ADAMTSL3: variants seen among roughly 807,000 people sequenced by gnomAD.
ADAMTSL3 encodes the protein ADAMTS like 3.
A neutral mutation model predicts 201.7 loss-of-function variants in ADAMTSL3; 128 were observed. That is an observed-to-expected ratio of 0.63 (90% CI 0.55 to 0.73). The LOEUF (loss-of-function observed/expected upper bound fraction) is 0.73. Ranked by LOEUF, ADAMTSL3 falls within the 30% of genes least tolerant of loss-of-function variation. ADAMTSL3 has a pLI of 0.00. For missense variants in ADAMTSL3, 1,990 were observed against 2,119.6 expected, an observed-to-expected ratio of 0.94 and a Z score of 1.20; for synonymous variants, 738 against 748.4, an observed-to-expected ratio of 0.99 and a Z score of 0.23.
At chr15:83,675,984 C>T (rs1398274434) in intron 2 of ADAMTSL3, among the ~76,000 whole-genome samples, 1 of 151,856 alleles carries the variant, frequency 6.6e-6, no homozygotes, top group South Asian at 2.1e-4. Context: ...CTCTTTTATT[C>T]TTTGTAATAT....
At chr15:84,032,757 G>A (rs1302956467) in intron 28 of ADAMTSL3, among the ~76,000 whole-genome samples, 1 of 152,020 alleles carries the variant, frequency 6.6e-6, no homozygotes, top group Non-Finnish European at 1.5e-5. Context: ...AATGGACATT[G>A]GATAGTTTCA....
intron 2 of ADAMTSL3, among the ~76,000 whole-genome samples, chr15:83,682,553 TG>T (rs988704652): frequency 6.6e-6 from 1 of 152,246 alleles, no homozygotes; most frequent in Non-Finnish European, 1.5e-5. Flanking sequence ...TCCTTGCTGT[TG>T]GCACAAATGG....
intron 6 of ADAMTSL3, among the ~76,000 whole-genome samples, chr15:83,831,292 A>G (rs1163437526): frequency 1.3e-5 from 2 of 151,870 alleles, no homozygotes; most frequent in African/African-American, 4.8e-5. Context: ...TTTTGGGGGG[A>G]GTGCACAAGT....
At position 83,942,919 on chromosome 15, in the gene ADAMTSL3, G is replaced by C. The variant is rs2066590335; in HGVS notation, c.2327G>C (p.Gly776Ala). 1.9e-6 allele frequency: 3 copies of C among 1,599,704 alleles called. No individual in the cohort carries two copies. In the East Asian group the frequency reaches 6.7e-5, roughly 36 times the overall value. The change falls in exon 19 of 30, where the codon GGC becomes GCC. Residue 776 changes from glycine to alanine, a missense_variant. By Grantham distance (60) the Gly-to-Ala change is moderately conservative. Coordinates refer to ENST00000286744, the MANE Select transcript of ADAMTSL3 (RefSeq NM_207517.3). ...EEWQQCSRTC[G>A]GGTQNRRVTC... ...TCTTCTTAGTGTTCCAGGACTTGTG[G>C]CGGGGGAACTCAGAACAGAAGAGTC...
chr15:83,982,597 C>T lies in ADAMTSL3; in HGVS notation c.2969C>T (p.Thr990Ile). ...YRCIAGSAQETVVLKLIGTDN... is the reference protein window; with the variant it reads ...YRCIAGSAQEIVVLKLIGTDN... The stretch of plus-strand genomic sequence containing the variant: ...TGCATTGCAGGCTCTGCACAGGAAA[C>T]AGTTGTGCTCAAGCTCATTGGTACT... The change falls in exon 21 of 30, where the codon ACA becomes ATA. Residue 990 changes from threonine to isoleucine, a missense_variant. By Grantham distance (89) the Thr-to-Ile change is moderately conservative. Coordinates refer to ENST00000286744, the MANE Select transcript of ADAMTSL3 (RefSeq NM_207517.3). 6.2e-7 allele frequency: 1 copy of T among 1,614,180 alleles called. No homozygotes were observed. Among genetic ancestry groups the T allele is most frequent in the Non-Finnish European group, 8.5e-7 (1 of 1,180,032 alleles).
intron 19 of ADAMTSL3, among the ~76,000 whole-genome samples, chr15:83,943,450 C>T (rs974295618): frequency 3.3e-5 from 5 of 152,186 alleles, no homozygotes; most frequent in Admixed American, 6.5e-5. Context: ...CCCGTCATTC[C>T]AACATTTTGA....
At chr15:83,868,350 AT>A (rs2065018220) in intron 8 of ADAMTSL3, among the ~76,000 whole-genome samples, 1 of 152,202 alleles carries the variant, frequency 6.6e-6, no homozygotes, top group Non-Finnish European at 1.5e-5. Context: ...CATCATCTGA[AT>A]TGTTGATTGA....
chr15:83,874,787 G>A (rs1249090743), intron 9 of ADAMTSL3, among the ~76,000 whole-genome samples: 6 of 144,298 alleles, frequency 4.2e-5, no homozygotes, highest in Non-Finnish European at 7.5e-5. Flanking sequence ...AGCAATTAGG[G>A]CCCATCTGAG....
At chr15:83,741,874 C>T (rs891613507) in intron 3 of ADAMTSL3, among the ~76,000 whole-genome samples, 1 of 151,952 alleles carries the variant, frequency 6.6e-6, no homozygotes, top group Non-Finnish European at 1.5e-5. Flanking sequence ...GGGAGGCTGA[C>T]GTGGGAGGAT....
At chr15:83,938,336 A>G (rs953945294) in intron 17 of ADAMTSL3, among the ~76,000 whole-genome samples, 1 of 152,164 alleles carries the variant, frequency 6.6e-6, no homozygotes, top group Non-Finnish European at 1.5e-5. Context: ...TTGCAGATAG[A>G]TAATGTCCCC....
chr15:83,898,716 T>C (rs2065665836), intron 14 of ADAMTSL3, among the ~76,000 whole-genome samples: 1 of 152,198 alleles, frequency 6.6e-6, no homozygotes, highest in East Asian at 1.9e-4. Context: ...ACCATCCTCA[T>C]GAAAAGTATC....
intron 19 of ADAMTSL3, among the ~76,000 whole-genome samples, chr15:83,969,160 A>C (rs536898292): frequency 6.6e-6 from 1 of 152,274 alleles, no homozygotes; most frequent in African/African-American, 2.4e-5. Context: ...AATAATTTTA[A>C]AAAGGCCGGC....
intron 3 of ADAMTSL3, among the ~76,000 whole-genome samples, chr15:83,741,493 A>G (rs2062454940): frequency 6.6e-6 from 1 of 152,190 alleles, no homozygotes; most frequent in Non-Finnish European, 1.5e-5. Context: ...CCTAATGAAT[A>G]TCATCCACTA....
intron 2 of ADAMTSL3, among the ~76,000 whole-genome samples, chr15:83,658,119 T>C (rs2061116231): frequency 6.6e-6 from 1 of 152,186 alleles, no homozygotes; most frequent in African/African-American, 2.4e-5. Context: ...CTTTCTTTTC[T>C]TTTCTTTTGA....
At chr15:83,805,566 A>T (rs76872043) in intron 5 of ADAMTSL3, among the ~76,000 whole-genome samples, 23,674 of 151,830 alleles carry the variant, frequency 0.16, 2,032 homozygotes, top group East Asian at 0.35. Context: ...CAAAAAAAAA[A>T]AAATAAATAA....
Position 83,974,505 on chromosome 15 carries a change from A to C in ADAMTSL3, c.2644+3868A>C, listed in dbSNP as rs561433713. Among the ~76,000 whole-genome samples, 3 of 152,324 alleles carry C rather than the reference A, an allele frequency of 2.0e-5. No homozygotes were observed. In the South Asian group the frequency reaches 6.2e-4, roughly 32 times the overall value. Reference sequence around the variant, plus strand: ...ATTTAACACAGGATAAAATGTAATAAGTAAGTTGTGTTGTATATTCTGGCC... The same window carrying C: ...ATTTAACACAGGATAAAATGTAATACGTAAGTTGTGTTGTATATTCTGGCC... On this transcript the variant is annotated intron_variant, in intron 20 of 29. Coordinates refer to ENST00000286744, the MANE Select transcript of ADAMTSL3 (RefSeq NM_207517.3).
At chr15:83,866,759 T>TA (rs887713325) in intron 8 of ADAMTSL3, among the ~76,000 whole-genome samples, 58 of 151,028 alleles carry the variant, frequency 3.8e-4, no homozygotes, top group East Asian at 1.9e-3. Flanking sequence ...TAAAGTATAA[T>TA]AAAAAAAAAG....
chr15:83,657,874 C>T (rs1462694576), intron 2 of ADAMTSL3, among the ~76,000 whole-genome samples: 8 of 152,134 alleles, frequency 5.3e-5, no homozygotes, highest in Non-Finnish European at 8.8e-5. Context: ...TGTCCCTGTC[C>T]GTGGGTTGGA....
intron 9 of ADAMTSL3, among the ~76,000 whole-genome samples, chr15:83,881,906 CA>C (rs34321903): frequency 0.099 from 15,100 of 151,906 alleles, 1,007 homozygotes; most frequent in Middle Eastern, 0.2. Context: ...GTAATCCCAG[CA>C]CTTTGGGAAG....
Sources: allele counts gnomAD v4.1 joint callset (sites outside exome capture counted in the v4.1 genomes callset), GRCh38; gene constraint gnomAD v4.1.1; transcripts MANE v1.5; gene names NCBI Gene and HGNC (gene_info 2026-07-23, HGNC 2026-07-21).